The following STK3 variants were observed in gnomAD, a reference collection of about 807,000 sequenced individuals.
The protein encoded by STK3 is serine/threonine kinase 3.
Under a neutral mutation model 58.0 loss-of-function variants are expected in STK3, and 41 were observed. The ratio of observed to expected loss-of-function variants is 0.71; its 90% CI spans 0.55 to 0.92. The LOEUF (loss-of-function observed/expected upper bound fraction) is 0.92. Ranked by LOEUF, STK3 falls within the 40% of genes least tolerant of loss-of-function variation. The pLI is 0.00. For synonymous variants in STK3, 170 were observed against 191.0 expected, an observed-to-expected ratio of 0.89 and a Z score of 0.91; for missense variants, 479 against 602.7, an observed-to-expected ratio of 0.79 and a Z score of 2.15.
intron 6 of STK3, among the ~76,000 whole-genome samples, chr8:98,631,433 C>T (rs1819223465): frequency 6.6e-6 from 1 of 152,178 alleles, no homozygotes; most frequent in Admixed American, 6.5e-5. Flanking sequence ...TCTAAAACAT[C>T]AAACACAGTC....
rs1424542056 is a variant in STK3 at position 98,740,077 on chromosome 8, A to C, written c.351+9199T>G. On this transcript the variant is annotated intron_variant, in intron 4 of 10. Transcript: ENST00000419617. ...CAAAAAGAAATGAACAAAGCCTCCA[A>C]GAAATATGGGACTATGTGAAAAGAC... 3.9e-5 allele frequency among the ~76,000 whole-genome samples: 6 copies of C among 152,356 alleles called. No individual in the cohort carries two copies. The East Asian group carries it at 1.2e-3, about 29-fold the overall frequency.
At chr8:98,710,412 T>C (rs954476390) in intron 4 of STK3, among the ~76,000 whole-genome samples, 2 of 152,112 alleles carry the variant, frequency 1.3e-5, no homozygotes, top group East Asian at 3.9e-4. Flanking sequence ...GGGTGACAGA[T>C]GGCACCTGGA....
intron 9 of STK3, among the ~76,000 whole-genome samples, chr8:98,544,437 C>A (rs1020015715): frequency 5.9e-4 from 89 of 151,966 alleles, no homozygotes; most frequent in African/African-American, 1.9e-3. Flanking sequence ...ATGCATTTCC[C>A]AAATAATTCT....
chr8:98,432,883 G>T (rs1042329243), intron 3 of STK3: 1 of 165,504 alleles, frequency 6.0e-6, no homozygotes, highest in Non-Finnish European at 1.5e-5. Context: ...TTTCATCTCT[G>T]TGCCTCGATT....
rs1819429165 is a variant in STK3, at chr8:98,455,529, T to C, written c.*313A>G. The stretch of plus-strand genomic sequence containing the variant: ...CATAAAGCCCTTCAGTGCTGTACAA[T>C]GCAACAATAGCTTTGGATTTTCAAG... On this transcript the variant is annotated 3_prime_UTR_variant, in exon 11 of 11. Coordinates refer to ENST00000419617, the MANE Select transcript of STK3 (RefSeq NM_006281.4). 8.7e-6 allele frequency: 3 copies of C among 344,650 alleles called. No homozygotes were observed. The highest frequency in any genetic ancestry group is 9.2e-5 in the Admixed American group (2 of 21,814). The allele number at this position is 344,650 out of a possible 1,614,324, so 21.3% of individuals were successfully genotyped here.
chr8:98,350,588 A>G, the STK3 span, among the ~76,000 whole-genome samples: 23 of 152,228 alleles, frequency 1.5e-4, no homozygotes, highest in Non-Finnish European at 5.9e-5. Context: ...GGAAATTTAC[A>G]AAAGAAAGAG....
At chr8:98,722,114 C>A (rs1827473607) in intron 4 of STK3, among the ~76,000 whole-genome samples, 1 of 151,990 alleles carries the variant, frequency 6.6e-6, no homozygotes, top group African/African-American at 2.4e-5. Flanking sequence ...AAGTAGCTCA[C>A]TATCCAGAGA....
intron 1 of STK3, among the ~76,000 whole-genome samples, chr8:98,934,707 G>T (rs530673369): frequency 5.9e-5 from 9 of 152,310 alleles, no homozygotes; most frequent in African/African-American, 2.2e-4. Flanking sequence ...CCTGAGGTCA[G>T]GAGTTCGAGA....
At chr8:98,590,543 T>C (rs1815210959) in intron 7 of STK3, among the ~76,000 whole-genome samples, 1 of 152,174 alleles carries the variant, frequency 6.6e-6, no homozygotes, top group Non-Finnish European at 1.5e-5. Context: ...TAGGTGGATC[T>C]TTCTCAAGGA....
At chr8:98,610,906 A>G (rs1452723522) in intron 6 of STK3, among the ~76,000 whole-genome samples, 1 of 152,224 alleles carries the variant, frequency 6.6e-6, no homozygotes, top group Non-Finnish European at 1.5e-5. Flanking sequence ...TGCAAAGACT[A>G]AGTTGTTATA....
At chr8:98,425,586 C>T (rs1166685129) in intron 3 of STK3, among the ~76,000 whole-genome samples, 1 of 152,134 alleles carries the variant, frequency 6.6e-6, no homozygotes, top group African/African-American at 2.4e-5. Context: ...GGGTGTGAAG[C>T]CCTCTCAGCA....
chr8:98,774,862 G>T, intron 1 of STK3, 43 bp from the exon 2 acceptor site: 1 of 1,395,410 alleles, frequency 7.2e-7, no homozygotes, highest in Non-Finnish European at 9.6e-7. Context: ...TTTCTTTAAA[G>T]ACCTTTTACA....
chr8:98,903,535 CTTCTTCTTCTTCTTCTTCTTCCTT>C (rs1255977655), intron 1 of STK3, among the ~76,000 whole-genome samples: 5 of 29,632 alleles, frequency 1.7e-4, no homozygotes, highest in African/African-American at 9.8e-4. Context: ...TCTTCTTCTT[CTTCTTCTTCTTCTTCTTCTTCCTT>C]TTTTTTTTTT....
At chr8:98,603,148 A>C (rs1041454188) in intron 6 of STK3, 2 of 152,194 alleles carry the variant, frequency 1.3e-5, no homozygotes. Flanking sequence ...TAAATAACCA[A>C]ATTTAGGATA....
At chr8:98,757,089 C>T (rs973012716) in intron 3 of STK3, among the ~76,000 whole-genome samples, 1 of 152,138 alleles carries the variant, frequency 6.6e-6, no homozygotes, top group Non-Finnish European at 1.5e-5. Context: ...CAGCACGCCT[C>T]CTTCTCTTGT....
intron 1 of STK3, among the ~76,000 whole-genome samples, chr8:98,913,156 G>A (rs985661517): frequency 4.6e-4 from 69 of 151,320 alleles, no homozygotes; most frequent in African/African-American, 1.7e-3. Flanking sequence ...ATTAAGCAGA[G>A]GAACCTGTTG....
chr8:98,529,830 T>C (rs1735625290), intron 9 of STK3, among the ~76,000 whole-genome samples: 1 of 152,104 alleles, frequency 6.6e-6, no homozygotes, highest in Non-Finnish European at 1.5e-5. Context: ...GTCAACATCA[T>C]AGAGACAGAA....
intron 9 of STK3, among the ~76,000 whole-genome samples, chr8:98,535,632 C>T (rs561144710): frequency 6.6e-6 from 1 of 152,202 alleles, no homozygotes; most frequent in East Asian, 1.9e-4. Context: ...TACTTTGGAC[C>T]TCTATCTGAG....
At chr8:98,646,142 T>C (rs1389380782) in intron 6 of STK3, among the ~76,000 whole-genome samples, 1 of 152,254 alleles carries the variant, frequency 6.6e-6, no homozygotes, top group African/African-American at 2.4e-5. Context: ...CTGACTGCTA[T>C]GACTAAACTC....
Sources: gnomAD v4.1 joint callset for allele counts (sites outside exome capture counted in the v4.1 genomes callset) on GRCh38, gnomAD v4.1.1 for gene constraint, MANE v1.5 for transcripts, NCBI Gene and HGNC (gene_info 2026-07-23, HGNC 2026-07-21) for gene names.